The following ASS1 variants were observed in gnomAD, a reference collection of about 807,000 sequenced individuals.
ASS1 encodes argininosuccinate synthase.
Under a neutral mutation model 60.5 loss-of-function variants are expected in ASS1, and 58 were observed. That is an observed-to-expected ratio of 0.96 (90% CI 0.78 to 1.19). The LOEUF is 1.19. ASS1 is among the 50% of genes most tolerant of loss of function. ASS1 has a pLI of 0.00. For missense variants in ASS1, 454 were observed against 547.3 expected (o/e 0.83, Z 1.70); for synonymous variants, 200 against 206.9 (o/e 0.97, Z 0.29).
At chr9:130,481,168 C>A (rs572781156) in intron 11 of ASS1, among the ~76,000 whole-genome samples, 3 of 152,370 alleles carry the variant, frequency 2.0e-5, no homozygotes. Context: ...ATCAGCATTT[C>A]ATCTTGACCA....
intron 8 of ASS1, among the ~76,000 whole-genome samples, chr9:130,474,684 C>G (rs923135639): frequency 1.3e-5 from 2 of 152,252 alleles, no homozygotes; most frequent in Non-Finnish European, 2.9e-5. Context: ...GGTGGGCCAG[C>G]CCTGATGCCT....
chr9:130,446,002 C>A (rs1329038297), intron 1 of ASS1, among the ~76,000 whole-genome samples: 1 of 152,164 alleles, frequency 6.6e-6, no homozygotes, highest in African/African-American at 2.4e-5. Context: ...CCCAAGCTTC[C>A]TTTTCATTTT....
At chr9:130,498,629 C>G (rs1846661560) in intron 13 of ASS1, among the ~76,000 whole-genome samples, 1 of 152,184 alleles carries the variant, frequency 6.6e-6, no homozygotes, top group Non-Finnish European at 1.5e-5. Flanking sequence ...CAGGCACCAG[C>G]TACATTATTT....
At chr9:130,486,748 C>A (rs1846314121) in intron 11 of ASS1, among the ~76,000 whole-genome samples, 1 of 152,174 alleles carries the variant, frequency 6.6e-6, no homozygotes, top group Non-Finnish European at 1.5e-5. Flanking sequence ...CACCTGGTTG[C>A]TCTGAGGGGC....
In ASS1 at chr9:130,453,282, T is replaced by C. The variant is rs1054460698; in HGVS notation, c.105+949T>C. ...AGTGGGCGGGATTTCTTCCTCTCCA[T>C]CCCTGTGGAATGGGGTCCACCCAGG... On this transcript the variant is annotated intron_variant, in intron 2 of 14. Transcript: ENST00000352480. Among the ~76,000 whole-genome samples the C allele has an allele frequency of 8.5e-5, 13 of 152,352 alleles. No homozygotes were observed. The South Asian group carries it at 2.7e-3, about 32-fold the overall frequency.
At chr9:130,500,420 A>G (rs1846721196) in intron 14 of ASS1, among the ~76,000 whole-genome samples, 1 of 152,154 alleles carries the variant, frequency 6.6e-6, no homozygotes, top group Non-Finnish European at 1.5e-5. Context: ...TGGGTTCTCC[A>G]TCACCAGCTC....
intron 8 of ASS1, among the ~76,000 whole-genome samples, chr9:130,472,313 G>C (rs1466198301): frequency 6.6e-6 from 1 of 152,076 alleles, no homozygotes; most frequent in African/African-American, 2.4e-5. Context: ...TGGTGAAATT[G>C]GGGAGCGCCA....
intron 11 of ASS1, among the ~76,000 whole-genome samples, chr9:130,486,483 C>T (rs891979073): frequency 1.5e-4 from 23 of 152,138 alleles, no homozygotes; most frequent in African/African-American, 5.3e-4. Flanking sequence ...GCCTTTTTAC[C>T]CCTTCCTGGT....
chr9:130,459,615 A>G lies in ASS1; in HGVS notation c.363+1026A>G, dbSNP rs2131875170. Among the ~76,000 whole-genome samples the G allele has an allele frequency of 6.6e-6, 1 of 152,214 alleles. No homozygotes were observed. The highest frequency in any genetic ancestry group is 1.9e-4 in the East Asian group (1 of 5,160). ...CACCCGGCTAATTTTTTGTATTTTT[A>G]GTAGAGACGGGGTTTCGCCATGTTG... On this transcript the variant is annotated intron_variant, in intron 4 of 14. Transcript: ENST00000352480. This position sits in a 1 kb window ranked among gnomAD's most constrained non-coding sequence, Gnocchi z 4.6.
At chr9:130,475,170 G>A (rs941453445) in intron 8 of ASS1, among the ~76,000 whole-genome samples, 1 of 152,180 alleles carries the variant, frequency 6.6e-6, no homozygotes, top group Non-Finnish European at 1.5e-5. Context: ...ACAGGCAAAT[G>A]ACCACAGGTG....
rs1005325214 is a variant in ASS1, at chr9:130,491,453, A to G, written c.970+1989A>G. Among the ~76,000 whole-genome samples the G allele has an allele frequency of 6.6e-5, 10 of 152,188 alleles. No homozygotes were observed. The highest frequency in any genetic ancestry group is 2.4e-4 in the African/African-American group (10 of 41,458). On this transcript the variant is annotated intron_variant, in intron 12 of 14. Transcript: ENST00000352480. This position sits in a 1 kb window ranked among gnomAD's most constrained non-coding sequence, Gnocchi z 5.3. ...GGGTATTATCTAATATTAGCTGCGC[A>G]GAGGTGAGGAAACGGAGGCCCCCAG... is the stretch of plus-strand genomic sequence containing the variant.
chr9:130,493,959 A>G (rs548811744), intron 12 of ASS1, among the ~76,000 whole-genome samples: 16 of 152,310 alleles, frequency 1.1e-4, no homozygotes, highest in African/African-American at 3.8e-4. Flanking sequence ...CTCCAAGTTT[A>G]TCATAGGAAG....
chr9:130,472,210 T>C (rs920959235), intron 8 of ASS1, among the ~76,000 whole-genome samples: 27 of 152,142 alleles, frequency 1.8e-4, no homozygotes, highest in African/African-American at 6.0e-4. Flanking sequence ...GGAGGCTGGT[T>C]TGGAGGCGGG....
chr9:130,485,310 G>A (rs1027724753), intron 11 of ASS1, among the ~76,000 whole-genome samples: 2 of 152,212 alleles, frequency 1.3e-5, no homozygotes, highest in African/African-American at 4.8e-5. Flanking sequence ...AAGGAAGTTG[G>A]AATGTCAGAG....
intron 8 of ASS1, among the ~76,000 whole-genome samples, chr9:130,472,477 A>T (rs547326927): frequency 6.6e-6 from 1 of 152,158 alleles, no homozygotes; most frequent in African/African-American, 2.4e-5. Flanking sequence ...TTCCTAGGAC[A>T]CTGGCTGGGA....
At chr9:130,451,954 A>C (rs1211797884) in intron 1 of ASS1, 3 of 616,462 alleles carry the variant, frequency 4.9e-6, no homozygotes. Context: ...GATCAGGTCC[A>C]AGAGATGCCT....
At chr9:130,500,863 A>G in intron 14 of ASS1, 113 bp from the exon 15 acceptor site, 1 of 1,141,956 alleles carries the variant, frequency 8.8e-7, no homozygotes, top group Non-Finnish European at 1.3e-6. Context: ...AACTTCACAC[A>G]CATCTTAACA....
At chr9:130,465,056 A>ATATATATATATATATTTTTTTTTTTTTT (rs1479147331) in intron 5 of ASS1, among the ~76,000 whole-genome samples, 2 of 120,150 alleles carry the variant, frequency 1.7e-5, no homozygotes, top group African/African-American at 7.2e-5. Flanking sequence ...ATATATATAT[A>ATATATATATATATATTTTTTTTTTTTTT]TTTTTTTTTT....
intron 8 of ASS1, among the ~76,000 whole-genome samples, chr9:130,474,901 C>T (rs1268485326): frequency 6.6e-6 from 1 of 152,220 alleles, no homozygotes; most frequent in Non-Finnish European, 1.5e-5. Flanking sequence ...CTCAGGGCCC[C>T]TCCTACCTCC....
Sources: gnomAD v4.1 joint callset for allele counts (sites outside exome capture counted in the v4.1 genomes callset) on GRCh38, gnomAD v4.1.1 for gene constraint, Gnocchi (gnomAD v3.1) non-coding constraint, MANE v1.5 for transcripts, NCBI Gene and HGNC (gene_info 2026-07-23, HGNC 2026-07-21) for gene names.